ZSWIM4: variants seen among roughly 807,000 people sequenced by gnomAD.
The protein encoded by ZSWIM4 is zinc finger SWIM-type containing 4.
ZSWIM4 carries 62 observed loss-of-function variants against 102.5 expected under a neutral mutation model. The ratio of observed to expected loss-of-function variants is 0.60; its 90% CI spans 0.49 to 0.75. The LOEUF (loss-of-function observed/expected upper bound fraction) is 0.75. Among genes scored for constraint, ZSWIM4 ranks in the 30% least tolerant of loss-of-function variants. The pLI is 0.00. For synonymous variants in ZSWIM4, 652 were observed against 674.5 expected (o/e 0.97, Z 0.52); for missense variants, 1,280 against 1,529.6 (o/e 0.84, Z 2.72).
intron 8 of ZSWIM4, 171 bp from the exon 9 acceptor site, chr19:13,817,551 T>C: frequency 9.6e-7 from 1 of 1,038,784 alleles, no homozygotes; most frequent in Non-Finnish European, 1.4e-6. Context: ...TAGGCCTAGC[T>C]GCTGCTAGAA....
intron 6 of ZSWIM4, 108 bp from the exon 7 acceptor site, chr19:13,814,407 C>T: frequency 2.1e-6 from 1 of 469,550 alleles, no homozygotes; most frequent in Non-Finnish European, 3.0e-6. Context: ...ATGCCCATAG[C>T]TTTGCCCAGG....
rs569227839 is a variant in ZSWIM4 at position 13,810,188 on chromosome 19, G to A, written c.1012+968G>A. ...TTTTTGTATTTTTTTTATTAGAGACGGGGTTTCACTGTGTTAGGCAGGGTT... is the reference window on the plus strand; with the variant it reads ...TTTTTGTATTTTTTTTATTAGAGACAGGGTTTCACTGTGTTAGGCAGGGTT... On this transcript the variant is annotated intron_variant, in intron 5 of 13. Transcript: ENST00000590508. Among the ~76,000 whole-genome samples, 8 of 151,976 alleles carry A rather than the reference G, an allele frequency of 5.3e-5. No homozygotes were observed. In the East Asian group the frequency reaches 5.8e-4, roughly 11 times the overall value.
rs1253004501 is a variant in ZSWIM4 at position 13,804,917 on chromosome 19, G to C, written c.481G>C (p.Asp161His). The C allele has an allele frequency of 1.2e-6, 2 of 1,613,294 alleles. No homozygotes were observed. Residue 161 changes from aspartate (D) to histidine (H), a missense_variant, in exon 3 of 14, where the codon GAC (aspartate) becomes CAC (histidine). Coordinates refer to ENST00000590508, the MANE Select transcript of ZSWIM4 (RefSeq NM_001367834.3). ...TSVSCGCDNR[D>H]LFYCAHVVAL... is the part of the protein sequence containing the mutation. ...CGTGAGCTGCGGCTGTGACAACCGC[G>C]ACCTCTTCTACTGTGCCCACGTGGT...
chr19:13,796,173 CA>C (rs1974607546), intron 1 of ZSWIM4, among the ~76,000 whole-genome samples: 1 of 150,386 alleles, frequency 6.6e-6, no homozygotes, highest in Non-Finnish European at 1.5e-5. Flanking sequence ...CCTCTTTTCC[CA>C]CCTTATCCCC....
In ZSWIM4 at chr19:13,817,977, G is replaced by A. The variant is rs1975345896; in HGVS notation, c.1924+1G>A. On this transcript the variant is annotated splice_donor_variant, in intron 9 of 13. Transcript: ENST00000590508. LOFTEE classifies it high-confidence loss of function. ...AAGCAGGCGGGGCTGCTGCTGGAAG[G>A]TGAGGCCGCGCCCCTAGGCCTGGCT... 6.7e-7 allele frequency: 1 copy of A among 1,501,134 alleles called. No individual in the cohort carries two copies. The highest frequency in any genetic ancestry group is 1.4e-5 in the African/African-American group (1 of 72,274). The allele number at this position is 1,501,134 out of a possible 1,614,324, so 93.0% of individuals were successfully genotyped here. A position where few individuals can be genotyped will look rare whatever the true frequency, so the allele number is the denominator to read the frequency against.
chr19:13,797,370 G>T (rs1188215344), intron 1 of ZSWIM4, among the ~76,000 whole-genome samples: 2 of 152,184 alleles, frequency 1.3e-5, no homozygotes, highest in Non-Finnish European at 2.9e-5. Flanking sequence ...CAGGGATGGG[G>T]CATGGAAGGG....
chr19:13,800,928 G>A (rs1974753431), intron 2 of ZSWIM4, among the ~76,000 whole-genome samples: 1 of 152,140 alleles, frequency 6.6e-6, no homozygotes, highest in African/African-American at 2.4e-5. Flanking sequence ...GATCACTTGA[G>A]GCCAAGAGTT....
chr19:13,812,906 A>G, intron 5 of ZSWIM4, 91 bp from the exon 6 acceptor site: 1 of 1,390,260 alleles, frequency 7.2e-7, no homozygotes, highest in Non-Finnish European at 9.8e-7. Context: ...AGGGGTTAGC[A>G]GATCATCAGG....
chr19:13,818,133 TA>T (rs1445059084), intron 9 of ZSWIM4, among the ~76,000 whole-genome samples, 157 bp downstream of exon 9: 3 of 150,870 alleles, frequency 2.0e-5, no homozygotes, highest in Non-Finnish European at 4.4e-5. Flanking sequence ...TGGCAGTTTC[TA>T]AAAGGAGAGA....
chr19:13,797,023 G>C (rs748354598), intron 1 of ZSWIM4: 2 of 152,358 alleles, frequency 1.3e-5, no homozygotes, highest in African/African-American at 4.8e-5. Context: ...AGAAACCCAG[G>C]TGGAGTAGGG....
chr19:13,823,604 C>T, intron 11 of ZSWIM4, 104 bp downstream of exon 11: 1 of 1,371,906 alleles, frequency 7.3e-7, no homozygotes, highest in Non-Finnish European at 9.9e-7. Flanking sequence ...CACAAACTTC[C>T]CCCTGCATTC....
intron 1 of ZSWIM4, among the ~76,000 whole-genome samples, chr19:13,799,373 C>T (rs1429491456): frequency 1.3e-5 from 2 of 150,252 alleles, no homozygotes; most frequent in African/African-American, 4.9e-5. Context: ...TTCCAGGTTC[C>T]AGCGATTTTC....
intron 3 of ZSWIM4, among the ~76,000 whole-genome samples, chr19:13,805,479 A>AG (rs112121017): frequency 0.018 from 2,721 of 150,766 alleles, 76 homozygotes; most frequent in African/African-American, 0.063. Context: ...GGAGGAGAAG[A>AG]GGGGGCGTGA....
chr19:13,827,161 C>T (rs1179575464), intron 12 of ZSWIM4, among the ~76,000 whole-genome samples: 1 of 151,952 alleles, frequency 6.6e-6, no homozygotes. Flanking sequence ...ATGGTGCACC[C>T]CTGTAGTCCC....
At chr19:13,829,188 G>A (rs1975691022) in intron 13 of ZSWIM4, among the ~76,000 whole-genome samples, 2 of 152,080 alleles carry the variant, frequency 1.3e-5, no homozygotes, top group Admixed American at 1.3e-4. Context: ...GGCTGAGGTG[G>A]GAAAATCACT....
At chr19:13,819,281 C>T in intron 9 of ZSWIM4, 76 bp from the exon 10 acceptor site, 1 of 1,576,360 alleles carries the variant, frequency 6.3e-7, no homozygotes, top group Non-Finnish European at 8.6e-7. Flanking sequence ...CTACTTAAAG[C>T]CTGGGGTCTA....
chr19:13,806,906 G>A (rs540747573), intron 3 of ZSWIM4, among the ~76,000 whole-genome samples: 5 of 152,186 alleles, frequency 3.3e-5, no homozygotes, highest in South Asian at 2.1e-4. Flanking sequence ...GTGGGTGGGC[G>A]CTTTGTGTAG....
intron 8 of ZSWIM4, 63 bp from the exon 9 acceptor site, chr19:13,817,659 A>G: frequency 1.9e-6 from 3 of 1,574,862 alleles, no homozygotes; most frequent in Non-Finnish European, 2.6e-6. Context: ...CTTGAGGCCA[A>G]GGGCTACAGG....
chr19:13,819,297 A>C (rs1313009312), intron 9 of ZSWIM4, 60 bp from the exon 10 acceptor site: 1 of 1,600,926 alleles, frequency 6.2e-7, no homozygotes, highest in African/African-American at 1.3e-5. Context: ...GTCTAGTGAG[A>C]CCTGGGGAAG....
Sources: allele counts gnomAD v4.1 joint callset (sites outside exome capture counted in the v4.1 genomes callset), GRCh38; gene constraint gnomAD v4.1.1; transcripts MANE v1.5; gene names NCBI Gene and HGNC (gene_info 2026-07-23, HGNC 2026-07-21).